Variants in ADAMTS12 observed in about 807,000 individuals in gnomAD.
ADAMTS12 encodes ADAM metallopeptidase with thrombospondin type 1 motif 12, also known as A disintegrin and metalloproteinase with thrombospondin motifs 12.
A neutral mutation model predicts 167.8 loss-of-function variants in ADAMTS12; 118 were observed. The ratio of observed to expected loss-of-function variants is 0.70; its 90% CI spans 0.61 to 0.82. ADAMTS12 has a LOEUF of 0.82. ADAMTS12 is among the 40% of genes least tolerant of loss of function. The pLI is 0.00. For missense variants in ADAMTS12, 1,916 were observed against 1,998.8 expected, an observed-to-expected ratio of 0.96 and a Z score of 0.79; for synonymous variants, 704 against 716.9, an observed-to-expected ratio of 0.98 and a Z score of 0.29.
intron 2 of ADAMTS12, among the ~76,000 whole-genome samples, chr5:33,838,718 G>C (rs1430152289): frequency 6.6e-6 from 1 of 152,054 alleles, no homozygotes; most frequent in African/African-American, 2.4e-5. Flanking sequence ...TAACAGGGAA[G>C]TGGAGAGAGG....
intron 10 of ADAMTS12, among the ~76,000 whole-genome samples, chr5:33,642,238 C>A (rs565391422): frequency 6.6e-6 from 1 of 152,326 alleles, no homozygotes; most frequent in East Asian, 1.9e-4. Context: ...AATCAACATA[C>A]TACTTTTTTC....
intron 2 of ADAMTS12, chr5:33,880,780 G>T: frequency 3.8e-6 from 1 of 259,910 alleles, no homozygotes; most frequent in Non-Finnish European, 7.4e-6. Flanking sequence ...TTCAAAATAC[G>T]CTGTCCAGCC....
intron 3 of ADAMTS12, among the ~76,000 whole-genome samples, chr5:33,728,187 T>TC (rs1369877560): frequency 1.3e-5 from 2 of 152,306 alleles, no homozygotes; most frequent in East Asian, 3.9e-4. Flanking sequence ...CCAGTCTTTT[T>TC]CTGTGCTGCT....
chr5:33,789,973 G>GA (rs1312000916), intron 2 of ADAMTS12, among the ~76,000 whole-genome samples: 1 of 152,090 alleles, frequency 6.6e-6, no homozygotes, highest in Non-Finnish European at 1.5e-5. Flanking sequence ...ACTACACTAT[G>GA]AATCCTTAAA....
At chr5:33,881,542 T>C (rs1261231734) in intron 1 of ADAMTS12, 62 bp from the exon 2 acceptor site, 2 of 1,542,342 alleles carry the variant, frequency 1.3e-6, no homozygotes, top group Non-Finnish European at 1.7e-6. Context: ...AAAGCCACTT[T>C]CGTTTGGAAC....
intron 18 of ADAMTS12, among the ~76,000 whole-genome samples, chr5:33,585,157 T>C (rs998429458): frequency 1.4e-4 from 21 of 152,292 alleles, no homozygotes; most frequent in African/African-American, 4.6e-4. Flanking sequence ...AAAAATCTCA[T>C]ATAATTTTGG....
At chr5:33,799,845 C>T (rs1027759922) in intron 2 of ADAMTS12, among the ~76,000 whole-genome samples, 1 of 152,152 alleles carries the variant, frequency 6.6e-6, no homozygotes. Context: ...GAGAGTGTCC[C>T]TCTTATATGT....
At chr5:33,867,716 C>G (rs1749878293) in intron 2 of ADAMTS12, among the ~76,000 whole-genome samples, 1 of 152,112 alleles carries the variant, frequency 6.6e-6, no homozygotes, top group Admixed American at 6.6e-5. Flanking sequence ...TATATGTCCA[C>G]AAGTTAAAAT....
chr5:33,866,564 A>T (rs1749830619), intron 2 of ADAMTS12, among the ~76,000 whole-genome samples: 1 of 152,220 alleles, frequency 6.6e-6, no homozygotes, highest in Non-Finnish European at 1.5e-5. Flanking sequence ...GGACCCCAAA[A>T]GCAAATGCAA....
intron 2 of ADAMTS12, among the ~76,000 whole-genome samples, chr5:33,845,386 CA>C (rs1483563633): frequency 6.6e-6 from 1 of 152,200 alleles, no homozygotes; most frequent in African/African-American, 2.4e-5. Context: ...TGGGATGAGG[CA>C]AAAGACACAG....
chr5:33,682,239 G>T (rs10078277), intron 5 of ADAMTS12, among the ~76,000 whole-genome samples: 1 of 152,168 alleles, frequency 6.6e-6, no homozygotes, highest in Non-Finnish European at 1.5e-5. Context: ...TAACCAATGC[G>T]TAATAGTACT....
chr5:33,672,104 T>C (rs1226901043), intron 5 of ADAMTS12, among the ~76,000 whole-genome samples: 3 of 110,996 alleles, frequency 2.7e-5, no homozygotes, highest in Admixed American at 8.9e-5. Context: ...CACACTCACA[T>C]CCACACACTC....
intron 22 of ADAMTS12, among the ~76,000 whole-genome samples, chr5:33,539,081 A>ACAGGCATGT (rs1744553460): frequency 6.6e-6 from 1 of 152,046 alleles, no homozygotes; most frequent in African/African-American, 2.4e-5. Flanking sequence ...AGCTGGGATT[A>ACAGGCATGT]CAGGCATGTA....
chr5:33,881,432 C>T lies in ADAMTS12; in HGVS notation c.176G>A (p.Arg59Gln), dbSNP rs754144817. 5 of 1,613,760 alleles carry T rather than the reference C, an allele frequency of 3.1e-6. No individual in the cohort carries two copies. Among genetic ancestry groups the T allele is most frequent in the East Asian group, 2.2e-5 (1 of 44,896 alleles). Residue 59 changes from arginine to glutamine, a missense_variant, in exon 2 of 24, where the codon CGA becomes CAA. Coordinates refer to ENST00000504830, the MANE Select transcript of ADAMTS12 (RefSeq NM_030955.4). The stretch of plus-strand genomic sequence containing the variant: ...CAAAAAATGCCCACTGGCATCTACT[C>T]GGACTGGACCCACCACGTGGTATTC... Reference protein sequence around the residue: ...LPEYHVVGPVRVDASGHFLSY... With the variant: ...LPEYHVVGPVQVDASGHFLSY...
At chr5:33,545,663 A>C (rs949408827) in intron 22 of ADAMTS12, among the ~76,000 whole-genome samples, 4 of 152,170 alleles carry the variant, frequency 2.6e-5, no homozygotes, top group Admixed American at 6.5e-5. Context: ...CATATACACC[A>C]TGGAATACTA....
intron 2 of ADAMTS12, among the ~76,000 whole-genome samples, chr5:33,840,975 T>C (rs2250154): frequency 0.023 from 3,514 of 152,342 alleles, 159 homozygotes; most frequent in East Asian, 0.2. Flanking sequence ...ATTCCAGTCC[T>C]GCTGAACTGA....
At chr5:33,548,629 T>C (rs940114076) in intron 21 of ADAMTS12, among the ~76,000 whole-genome samples, 1 of 151,876 alleles carries the variant, frequency 6.6e-6, no homozygotes. Context: ...CCAAAGAACT[T>C]CATCAAATAA....
intron 2 of ADAMTS12, among the ~76,000 whole-genome samples, chr5:33,856,653 G>A (rs1358487790): frequency 6.6e-6 from 1 of 151,850 alleles, no homozygotes; most frequent in Non-Finnish European, 1.5e-5. Context: ...ATATGAAAAG[G>A]TGGAAAACTT....
intron 7 of ADAMTS12, among the ~76,000 whole-genome samples, chr5:33,650,866 A>G (rs75294462): frequency 0.015 from 2,337 of 152,262 alleles, 26 homozygotes; most frequent in Non-Finnish European, 0.026. Flanking sequence ...AATCTGTATG[A>G]CCTTTTACTC....
Sources: gnomAD v4.1 joint callset for allele counts (sites outside exome capture counted in the v4.1 genomes callset) on GRCh38, gnomAD v4.1.1 for gene constraint, MANE v1.5 for transcripts, NCBI Gene and HGNC (gene_info 2026-07-23, HGNC 2026-07-21) for gene names.